The following SP140L variants were observed in gnomAD, a reference collection of about 807,000 sequenced individuals.
The protein encoded by SP140L is SP140 like nuclear body protein.
Under a neutral mutation model 84.3 loss-of-function variants are expected in SP140L, and 64 were observed. That is an observed-to-expected ratio of 0.76 (90% confidence interval 0.62 to 0.94). The LOEUF (loss-of-function observed/expected upper bound fraction) is 0.94, where lower values mean the gene tolerates loss of function less well. SP140L is among the 40% of genes least tolerant of loss of function. The pLI, the probability that SP140L is intolerant of heterozygous loss-of-function variation, is 0.00. For synonymous variants in SP140L, 242 were observed against 236.9 expected, an observed-to-expected ratio of 1.02 and a Z score of -0.20; for missense variants, 628 against 692.5, an observed-to-expected ratio of 0.91 and a Z score of 1.05.
At chr2:230,349,799 A>G (rs1423959574) in intron 2 of SP140L, among the ~76,000 whole-genome samples, 6 of 152,132 alleles carry the variant, frequency 3.9e-5, no homozygotes, top group Non-Finnish European at 8.8e-5. Context: ...ACTCGAGGTC[A>G]GGAGTTTGAG....
intron 2 of SP140L, among the ~76,000 whole-genome samples, chr2:230,335,071 C>T (rs1174149027): frequency 6.6e-6 from 1 of 151,986 alleles, no homozygotes; most frequent in African/African-American, 2.4e-5. Context: ...GTTGTCTTTT[C>T]CTTTGTTCTT....
intron 8 of SP140L, 115 bp downstream of exon 8, chr2:230,383,690 C>CTAACGGATACAGGAA: frequency 1.0e-6 from 1 of 997,884 alleles, no homozygotes; most frequent in Non-Finnish European, 1.5e-6. Context: ...TTCCTGTATC[C>CTAACGGATACAGGAA]GTTAGGATGT....
Position 230,343,322 on chromosome 2 carries a change from G to A in SP140L, c.108-14483G>A, listed in dbSNP as rs1223880475. ...ACATTCCGCTCCCACTTATAAGTTA[G>A]AACATGTGGTGTTTGGTTTTCTGTT... On this transcript the variant is annotated intron_variant, in intron 2 of 18. Transcript: ENST00000415673. Among the ~76,000 whole-genome samples, 2 of 147,800 alleles carry A rather than the reference G, an allele frequency of 1.4e-5. 1 individual carries two copies. Among genetic ancestry groups the A allele is most frequent in the Non-Finnish European group, 3.0e-5 (2 of 66,808 alleles).
chr2:230,351,123 G>A (rs1348654228), intron 2 of SP140L, among the ~76,000 whole-genome samples: 1 of 152,162 alleles, frequency 6.6e-6, no homozygotes, highest in African/African-American at 2.4e-5. Flanking sequence ...TTTATATAGG[G>A]TAGATTCCAA....
At chr2:230,373,998 A>T (rs1168606272) in intron 7 of SP140L, among the ~76,000 whole-genome samples, 1 of 152,184 alleles carries the variant, frequency 6.6e-6, no homozygotes, top group Non-Finnish European at 1.5e-5. Context: ...GTCACTGTAG[A>T]TGTGATGGAA....
At chr2:230,354,848 G>GGAAGGAAA in intron 2 of SP140L, among the ~76,000 whole-genome samples, 1 of 108,886 alleles carries the variant, frequency 9.2e-6, no homozygotes, top group Non-Finnish European at 1.8e-5. Flanking sequence ...AAGAAAGAAA[G>GGAAGGAAA]GAAAGAAAGA....
chr2:230,388,856 C>G lies in SP140L; in HGVS notation c.859+223C>G. ...CAGACCCTGGGGCCCCAGGGGGTCA[C>G]TAAAGTGCTACTTCCACTGAAATGA... On this transcript the variant is annotated intron_variant, in intron 10 of 18. Transcript: ENST00000415673. The G allele has an allele frequency of 1.0e-5, 4 of 393,750 alleles. No homozygotes were observed. The South Asian group carries it at 1.3e-4, about 13-fold the overall frequency. The allele number at this position is 393,750 out of a possible 1,614,324, so 24.4% of individuals were successfully genotyped here. A position where few individuals can be genotyped will look rare whatever the true frequency, so the allele number is the denominator to read the frequency against.
rs1195226606 is a variant in SP140L at position 230,402,872 on chromosome 2, T to C, written c.1719T>C (p.Ile573=). 1 of 1,613,186 alleles carries C rather than the reference T, an allele frequency of 6.2e-7. No homozygotes were observed. The change falls in exon 19 of 19, where the codon ATT becomes ATC. Residue 573 remains isoleucine, a synonymous_variant. Coordinates refer to ENST00000415673, the MANE Select transcript of SP140L (RefSeq NM_138402.6). ...FEKDFKEVFA[I]QETNGNS is the part of the protein sequence containing the mutation. ...AGGATTTCAAGGAAGTGTTTGCTAT[T>C]CAGGAAACAAATGGGAACAGTTGAC...
intron 2 of SP140L, among the ~76,000 whole-genome samples, chr2:230,349,939 G>A (rs1007595671): frequency 1.3e-5 from 2 of 152,122 alleles, no homozygotes; most frequent in South Asian, 2.1e-4. Context: ...AATCCAGGGG[G>A]CAGAGGTTGC....
At chr2:230,358,331 C>G (rs770732362) in intron 3 of SP140L, among the ~76,000 whole-genome samples, 7 of 152,160 alleles carry the variant, frequency 4.6e-5, no homozygotes, top group Non-Finnish European at 8.8e-5. Context: ...AACATTAAAA[C>G]CCACAGGGAA....
At chr2:230,388,787 T>C (rs2061690299) in intron 10 of SP140L, 154 bp downstream of exon 10, 1 of 748,108 alleles carries the variant, frequency 1.3e-6, no homozygotes, top group Non-Finnish European at 2.0e-6. Context: ...TTTTCCAAAA[T>C]GTATCAAGGA....
chr2:230,369,416 T>C (rs577863591), intron 5 of SP140L, among the ~76,000 whole-genome samples: 63 of 152,350 alleles, frequency 4.1e-4, no homozygotes, highest in African/African-American at 1.4e-3. Flanking sequence ...CTGTAAGGGC[T>C]GGCCTGGAGC....
chr2:230,402,679 A>G, intron 18 of SP140L, 119 bp from the exon 19 acceptor site: 1 of 751,712 alleles, frequency 1.3e-6, no homozygotes, highest in South Asian at 1.8e-5. Flanking sequence ...ACCATTATAA[A>G]TTGTCAACTT....
In SP140L at chr2:230,388,619, G is replaced by C. The variant is rs761113040; in HGVS notation, c.845G>C (p.Arg282Thr). The C allele has an allele frequency of 6.2e-6, 10 of 1,608,794 alleles. No individual in the cohort carries two copies. Among genetic ancestry groups the C allele is most frequent in the Non-Finnish European group, 8.5e-6 (10 of 1,178,268 alleles). Residue 282 changes from arginine to threonine, a missense_variant, in exon 10 of 19, where the codon AGA becomes ACA. By Grantham distance (71) the Arg-to-Thr change is moderately conservative. Transcript: ENST00000415673. ...FTQSDRAPQK[R>T]VRSRASRKHK... Reference sequence around the variant, plus strand: ...CAGAGTGACAGAGCTCCACAGAAAAGAGTCCGATCAAGAGGTAAAAAAGAA... The same window carrying C: ...CAGAGTGACAGAGCTCCACAGAAAACAGTCCGATCAAGAGGTAAAAAAGAA...
chr2:230,332,561 G>A (rs1400880780), intron 2 of SP140L, among the ~76,000 whole-genome samples: 1 of 152,184 alleles, frequency 6.6e-6, no homozygotes, highest in Non-Finnish European at 1.5e-5. Flanking sequence ...TCAGTAATCA[G>A]TGTTATCGTT....
In SP140L at chr2:230,383,512, A is replaced by C. The variant is rs2061474341; in HGVS notation, c.640A>C (p.Lys214Gln). 1 of 1,602,940 alleles carries C rather than the reference A, an allele frequency of 6.2e-7. No individual in the cohort carries two copies. The highest frequency in any genetic ancestry group is 8.5e-7 in the Non-Finnish European group (1 of 1,174,588). ...ACTTTATTCTCTTTGGTTTGAAGGA[A>C]AAAAGAAGGGGCATGGCTGGAGCAG... ...TLGKPKRKRR[K>Q]KKGHGWSRMG... The change falls in exon 8 of 19, where the codon AAA becomes CAA. Residue 214 changes from lysine to glutamine, a missense_variant and splice_region_variant. This residue lies in a region of SP140L where 525 missense variants were observed against 518.4 expected (regional missense o/e 1.01). Transcript: ENST00000415673.
chr2:230,402,504 T>A (rs1045469122), intron 18 of SP140L, among the ~76,000 whole-genome samples: 2 of 152,234 alleles, frequency 1.3e-5, no homozygotes, highest in Non-Finnish European at 2.9e-5. Flanking sequence ...TCCTACTTAA[T>A]AATAGTGTAT....
intron 7 of SP140L, among the ~76,000 whole-genome samples, 185 bp from the exon 8 acceptor site, chr2:230,383,325 A>C (rs764981518): frequency 6.6e-6 from 1 of 152,230 alleles, no homozygotes; most frequent in African/African-American, 2.4e-5. Context: ...CCATGGCCCA[A>C]GGCTCATGCA....
intron 5 of SP140L, among the ~76,000 whole-genome samples, chr2:230,368,365 T>C (rs1448267253): frequency 6.6e-5 from 10 of 152,210 alleles, no homozygotes; most frequent in Admixed American, 6.5e-4. Flanking sequence ...CTCCCGTATA[T>C]GTTATTTGCT....
Sources: allele counts gnomAD v4.1 joint callset (sites outside exome capture counted in the v4.1 genomes callset), GRCh38; gene constraint gnomAD v4.1.1; regional missense constraint gnomAD v4.1.1; transcripts MANE v1.5; gene names NCBI Gene and HGNC (gene_info 2026-07-23, HGNC 2026-07-21).